Variants in STK3 observed in about 807,000 individuals in gnomAD.
The protein encoded by STK3 is serine/threonine-protein kinase 3.
Under a neutral mutation model 58.0 loss-of-function variants are expected in STK3, and 41 were observed. The observed-to-expected ratio is 0.71, with a 90% CI of 0.55 to 0.92. STK3 has a LOEUF of 0.92. STK3 is among the 40% of genes least tolerant of loss of function. STK3 has a pLI of 0.00. For missense variants in STK3, 479 were observed against 602.7 expected (o/e 0.79, Z 2.15); for synonymous variants, 170 against 191.0 (o/e 0.89, Z 0.91).
chr8:98,374,898 G>C (rs1395977110), intron 2 of STK3, among the ~76,000 whole-genome samples: 3 of 152,104 alleles, frequency 2.0e-5, no homozygotes, highest in Non-Finnish European at 4.4e-5. Flanking sequence ...ATAAATGGAG[G>C]TCAGGGTGGC....
intron 3 of STK3, among the ~76,000 whole-genome samples, chr8:98,426,584 C>T (rs1290275833): frequency 1.3e-5 from 2 of 152,186 alleles, no homozygotes; most frequent in Non-Finnish European, 2.9e-5. Context: ...GCTCCTGTTC[C>T]CCAACAACCC....
chr8:98,621,467 T>C (rs1185795985), intron 6 of STK3, among the ~76,000 whole-genome samples: 1 of 152,156 alleles, frequency 6.6e-6, no homozygotes, highest in East Asian at 1.9e-4. Flanking sequence ...GTGAACATCG[T>C]TCCTGTTCCC....
At chr8:98,885,641 T>C (rs1043080361) in intron 1 of STK3, among the ~76,000 whole-genome samples, 6 of 152,174 alleles carry the variant, frequency 3.9e-5, no homozygotes, top group Non-Finnish European at 8.8e-5. Flanking sequence ...GGTTTCTCCG[T>C]GTTGGTCAGG....
At chr8:98,592,923 C>A (rs1420349300) in intron 7 of STK3, among the ~76,000 whole-genome samples, 2 of 152,052 alleles carry the variant, frequency 1.3e-5, no homozygotes, top group Non-Finnish European at 2.9e-5. Flanking sequence ...ACCACCATGT[C>A]TGGCTAATTT....
In STK3 at chr8:98,526,936, A is replaced by G. The variant is rs1264626612; in HGVS notation, c.1142-19T>C. 2.7e-6 allele frequency: 4 copies of G among 1,507,766 alleles called. No homozygotes were observed. The East Asian group carries it at 6.9e-5, about 26-fold the overall frequency. 93.4% of individuals were successfully genotyped at this position (1,507,766 alleles called of 1,614,324 possible). On this transcript the variant is annotated intron_variant, in intron 9 of 10. Coordinates refer to ENST00000419617, the MANE Select transcript of STK3 (RefSeq NM_006281.4). ...GCATTTCCTTAGGTAAACAAAGAAC[A>G]TAAGGAAGGTATAAGTTCTTACATT... is the stretch of plus-strand genomic sequence containing the variant.
At chr8:98,544,756 T>G (rs896686215) in intron 9 of STK3, among the ~76,000 whole-genome samples, 2 of 151,872 alleles carry the variant, frequency 1.3e-5, no homozygotes, top group Non-Finnish European at 2.9e-5. Context: ...TCCAAGAGCA[T>G]GTACTATTAT....
intron 1 of STK3, among the ~76,000 whole-genome samples, chr8:98,934,976 A>AT (rs1240212686): frequency 1.3e-5 from 2 of 152,228 alleles, no homozygotes; most frequent in African/African-American, 4.8e-5. Flanking sequence ...AGCAAAGCAC[A>AT]AGCCTAGACA....
chr8:98,795,151 AG>A (rs1315856747), intron 1 of STK3, among the ~76,000 whole-genome samples: 3 of 144,234 alleles, frequency 2.1e-5, no homozygotes, highest in Non-Finnish European at 4.5e-5. Flanking sequence ...CACCAAATCC[AG>A]CAGCACATCA....
chr8:98,613,747 A>G (rs1158510387), intron 6 of STK3, among the ~76,000 whole-genome samples: 1 of 152,162 alleles, frequency 6.6e-6, no homozygotes, highest in African/African-American at 2.4e-5. Context: ...ATTAAAAGGC[A>G]AAAACTGAAA....
chr8:98,906,407 A>G (rs879408508), intron 1 of STK3: 4 of 152,278 alleles, frequency 2.6e-5, no homozygotes, highest in East Asian at 1.9e-4. Context: ...GTGGTCAGAT[A>G]GGACACGCTT....
chr8:98,811,699 G>A (rs541291204), intron 1 of STK3, among the ~76,000 whole-genome samples: 18 of 152,020 alleles, frequency 1.2e-4, no homozygotes, highest in African/African-American at 3.9e-4. Context: ...CAAAGTTAGC[G>A]TTAAATAACA....
intron 7 of STK3, among the ~76,000 whole-genome samples, chr8:98,582,924 C>T (rs1814046463): frequency 6.6e-6 from 1 of 151,986 alleles, no homozygotes; most frequent in South Asian, 2.1e-4. Flanking sequence ...CCTCTTATGT[C>T]TTTAATTTGT....
intron 6 of STK3, among the ~76,000 whole-genome samples, chr8:98,695,003 C>A (rs1241280587): frequency 6.6e-6 from 1 of 152,208 alleles, no homozygotes; most frequent in Non-Finnish European, 1.5e-5. Context: ...CACATCCTCT[C>A]CAGCACCTGT....
chr8:98,920,371 A>G (rs1367592626), intron 1 of STK3, among the ~76,000 whole-genome samples: 2 of 152,206 alleles, frequency 1.3e-5, no homozygotes, highest in Non-Finnish European at 2.9e-5. Context: ...ATTAGCAGTA[A>G]TGAGACATAA....
intron 1 of STK3, among the ~76,000 whole-genome samples, chr8:98,924,419 T>C (rs1476449497): frequency 3.3e-5 from 5 of 152,176 alleles, no homozygotes; most frequent in South Asian, 4.1e-4. Flanking sequence ...AGTTGTGAAG[T>C]CAGTACAGTT....
chr8:98,382,844 C>T (rs1356107505), intron 1 of STK3, among the ~76,000 whole-genome samples: 3 of 152,194 alleles, frequency 2.0e-5, no homozygotes, highest in Non-Finnish European at 2.9e-5. Flanking sequence ...AAGAGGCGGC[C>T]GGCTGGGGTG....
intron 2 of STK3, among the ~76,000 whole-genome samples, chr8:98,374,635 T>C (rs949841150): frequency 2.6e-5 from 4 of 152,200 alleles, no homozygotes; most frequent in Admixed American, 1.3e-4. Context: ...GAATTTTGCA[T>C]GCAGTGTGTG....
At chr8:98,593,892 C>T (rs1302859462) in intron 7 of STK3, among the ~76,000 whole-genome samples, 2 of 151,808 alleles carry the variant, frequency 1.3e-5, no homozygotes, top group East Asian at 1.9e-4. Context: ...TTATCCTACC[C>T]CCCCAAAAAA....
intron 1 of STK3, among the ~76,000 whole-genome samples, chr8:98,785,563 A>G (rs1049299200): frequency 2.6e-5 from 4 of 152,102 alleles, no homozygotes; most frequent in African/African-American, 9.7e-5. Flanking sequence ...CTGCCCCCTC[A>G]GGGCTGAGCA....
Sources: allele counts gnomAD v4.1 joint callset (sites outside exome capture counted in the v4.1 genomes callset), GRCh38; gene constraint gnomAD v4.1.1; transcripts MANE v1.5; gene names NCBI Gene and HGNC (gene_info 2026-07-23, HGNC 2026-07-21).